MARCO: variants seen among roughly 807,000 people sequenced by gnomAD.
MARCO encodes macrophage receptor with collagenous structure, also known as macrophage receptor MARCO.
Under a neutral mutation model 70.0 loss-of-function variants are expected in MARCO, and 72 were observed. That is an observed-to-expected ratio of 1.03 (90% confidence interval 0.85 to 1.25). The LOEUF (loss-of-function observed/expected upper bound fraction) is 1.25. Among genes scored for constraint, MARCO ranks in the 50% most tolerant of loss-of-function variants. The pLI, the probability that MARCO is intolerant of heterozygous loss-of-function variation, is 0.00. For missense variants in MARCO, 696 were observed against 659.3 expected (o/e 1.06, Z -0.61); for synonymous variants, 273 against 243.1 (o/e 1.12, Z -1.14).
chr2:118,969,499 C>T (rs563893469), intron 2 of MARCO, among the ~76,000 whole-genome samples: 4 of 152,236 alleles, frequency 2.6e-5, no homozygotes, highest in Admixed American at 6.5e-5. Flanking sequence ...CTCTTGTGAG[C>T]CTATGTGTCT....
chr2:118,992,527 A>C, intron 15 of MARCO, 51 bp downstream of exon 15: 1 of 1,470,680 alleles, frequency 6.8e-7, no homozygotes. Flanking sequence ...TCAATTCTGC[A>C]CCTGAAAATT....
chr2:118,986,676 A>T (rs13028429), intron 12 of MARCO, among the ~76,000 whole-genome samples: 2 of 44,874 alleles, frequency 4.5e-5, no homozygotes, highest in African/African-American at 2.5e-4. Flanking sequence ...AAGGAAGGAA[A>T]GAAAGAAAGA....
chr2:118,981,553 T>C, intron 9 of MARCO, 46 bp downstream of exon 9: 2 of 1,335,052 alleles, frequency 1.5e-6, no homozygotes, highest in Non-Finnish European at 2.0e-6. Flanking sequence ...GGTATTTCCT[T>C]TTTTTTTTTT....
intron 1 of MARCO, among the ~76,000 whole-genome samples, chr2:118,959,165 C>T (rs989357353): frequency 2.9e-4 from 44 of 152,078 alleles, no homozygotes; most frequent in African/African-American, 9.9e-4. Flanking sequence ...AGAGCTTTTG[C>T]ACGGCAAAAG....
At chr2:118,971,659 C>T (rs1008143833) in intron 4 of MARCO, 125 bp downstream of exon 4, 26 of 893,792 alleles carry the variant, frequency 2.9e-5, no homozygotes, top group Non-Finnish European at 4.3e-5. Flanking sequence ...GTCTCCACAG[C>T]CTCCTTTGTC....
chr2:118,951,945 C>T (rs1042755072), intron 1 of MARCO, among the ~76,000 whole-genome samples: 1 of 151,840 alleles, frequency 6.6e-6, no homozygotes, highest in Non-Finnish European at 1.5e-5. Flanking sequence ...CTCTCTCTTT[C>T]TCTCCCTTAT....
rs1680504691 is a variant in MARCO at position 118,986,665 on chromosome 2, G to GA, written c.1064-3922dup. Among the ~76,000 whole-genome samples, 43 of 42,788 alleles carry GA rather than the reference G, an allele frequency of 1.0e-3. 1 individual carries two copies. The highest frequency in any genetic ancestry group is 0.011 in the Middle Eastern group (1 of 94). 28.1% of individuals were successfully genotyped at this position (42,788 alleles called of 152,430 possible). A position where few individuals can be genotyped will look rare whatever the true frequency, so the allele number is the denominator to read the frequency against. On this transcript the variant is annotated intron_variant, in intron 12 of 16. Transcript: ENST00000327097. ...AGAAAGAAAGAAAGAAGGAAGGAAG[G>GA]AAGGAAGGAAAGAAAGAAAGAAAGA...
chr2:118,947,521 C>A (rs79135934), intron 1 of MARCO, among the ~76,000 whole-genome samples: 199 of 152,156 alleles, frequency 1.3e-3, no homozygotes, highest in South Asian at 2.7e-3. Context: ...AATGTGTAGG[C>A]CAAGGTTTTC....
At chr2:118,943,488 AGCCTCTG>A (rs779306927) in intron 1 of MARCO, among the ~76,000 whole-genome samples, 1 of 152,216 alleles carries the variant, frequency 6.6e-6, no homozygotes, top group African/African-American at 2.4e-5. Flanking sequence ...GAATAAACAT[AGCCTCTG>A]GCCTCTGGCT....
At chr2:118,971,087 G>A (rs71424305) in intron 3 of MARCO, among the ~76,000 whole-genome samples, 4,350 of 152,332 alleles carry the variant, frequency 0.029, 81 homozygotes, top group Middle Eastern at 0.054. Flanking sequence ...GGGGTGTGAG[G>A]AGGGGCGATA....
chr2:118,989,906 A>G (rs1680588896), intron 12 of MARCO, among the ~76,000 whole-genome samples: 1 of 152,264 alleles, frequency 6.6e-6, no homozygotes, highest in South Asian at 2.1e-4. Flanking sequence ...TGAACAAATT[A>G]TTATCTCAGT....
chr2:118,959,622 A>G (rs998473187), intron 1 of MARCO, among the ~76,000 whole-genome samples: 1 of 152,220 alleles, frequency 6.6e-6, no homozygotes, highest in Non-Finnish European at 1.5e-5. Context: ...TGATCCAGCA[A>G]TCCTACTACT....
At chr2:118,971,984 G>A (rs781346325) in intron 4 of MARCO, among the ~76,000 whole-genome samples, 10 of 152,210 alleles carry the variant, frequency 6.6e-5, no homozygotes, top group Admixed American at 2.6e-4. Flanking sequence ...TCATGGAGGC[G>A]CAGGCTGTGC....
In MARCO at chr2:118,990,592, T is replaced by A. The variant is rs971091349; in HGVS notation, c.1067T>A (p.Leu356His). The part of the protein sequence containing the change: ...GLKGSKGDTG[L>H]QGQQGRKGES... ...CCCTTTTTTGTTTTGATCTTAGGAC[T>A]TCAAGGACAGCAAGGAAGAAAAGGA... The change falls in exon 13 of 17, where the codon CTT becomes CAT. Residue 356 changes from leucine (L) to histidine (H), a missense_variant. Physicochemically the swap from Leu to His is moderately conservative, Grantham distance 99. This residue lies in a region of MARCO where 605 missense variants were observed against 537.6 expected (regional missense o/e 1.13). Transcript: ENST00000327097. The A allele has an allele frequency of 4.0e-6, 5 of 1,236,414 alleles. No individual in the cohort carries two copies. The highest frequency in any genetic ancestry group is 5.7e-6 in the Non-Finnish European group (5 of 880,068). 76.6% of individuals were successfully genotyped at this position (1,236,414 alleles called of 1,614,324 possible).
chr2:118,970,257 G>A lies in MARCO; in HGVS notation c.343G>A (p.Val115Ile), dbSNP rs1189317036. ...GGCTCAGGGTGCATCGAGGCTGCAA[G>A]TCCTGCAGGCCCAACTCACCTGGGT... ...HLAQGASRLQ[V>I]LQAQLTWVRV... Residue 115 changes from valine to isoleucine, a missense_variant, in exon 3 of 17, where the codon GTC becomes ATC. Val to Ile is a conservative substitution (Grantham distance 29). Transcript: ENST00000327097. The A allele has an allele frequency of 6.2e-7, 1 of 1,614,082 alleles. No homozygotes were observed. The highest frequency in any genetic ancestry group is 8.5e-7 in the Non-Finnish European group (1 of 1,180,018).
chr2:118,943,822 A>G (rs1679547774), intron 1 of MARCO, among the ~76,000 whole-genome samples: 1 of 152,216 alleles, frequency 6.6e-6, no homozygotes. Flanking sequence ...GAACCAAAAA[A>G]TTTGACTTCA....
intron 1 of MARCO, among the ~76,000 whole-genome samples, chr2:118,947,320 C>A (rs1679619903): frequency 6.6e-6 from 1 of 152,074 alleles, no homozygotes; most frequent in African/African-American, 2.4e-5. Context: ...ATGTTAGAGA[C>A]AAGATCTCAC....
intron 15 of MARCO, among the ~76,000 whole-genome samples, chr2:118,992,821 T>G (rs1358224156): frequency 6.6e-6 from 1 of 151,548 alleles, no homozygotes; most frequent in African/African-American, 2.4e-5. Context: ...CTTCCTTCTC[T>G]TTTCTCAGCT....
At chr2:118,945,826 A>G (rs977493691) in intron 1 of MARCO, among the ~76,000 whole-genome samples, 1 of 152,206 alleles carries the variant, frequency 6.6e-6, no homozygotes, top group South Asian at 2.1e-4. Flanking sequence ...TAGAAAAGTT[A>G]GGGTTTTTAT....
Sources: allele counts gnomAD v4.1 joint callset (sites outside exome capture counted in the v4.1 genomes callset), GRCh38; gene constraint gnomAD v4.1.1; regional missense constraint gnomAD v4.1.1; transcripts MANE v1.5; gene names NCBI Gene and HGNC (gene_info 2026-07-23, HGNC 2026-07-21).